BPIFB2: variants seen among roughly 807,000 people sequenced by gnomAD.
The protein encoded by BPIFB2 is BPI fold containing family B member 2.
BPIFB2 carries 39 observed loss-of-function variants against 50.1 expected under a neutral mutation model. The observed-to-expected ratio is 0.78, with a 90% CI of 0.60 to 1.02. The LOEUF (loss-of-function observed/expected upper bound fraction) is 1.02. Ranked by LOEUF, BPIFB2 falls within the 50% of genes least tolerant of loss-of-function variation. BPIFB2 has a pLI of 0.00. For missense variants in BPIFB2, 574 were observed against 585.8 expected, an observed-to-expected ratio of 0.98 and a Z score of 0.21; for synonymous variants, 280 against 256.3, an observed-to-expected ratio of 1.09 and a Z score of -0.88.
chr20:33,018,855 G>A (rs1291573753), intron 9 of BPIFB2, 33 bp downstream of exon 9: 2 of 1,593,538 alleles, frequency 1.3e-6, no homozygotes, highest in Admixed American at 1.7e-5. Flanking sequence ...AGGGCCTGTG[G>A]GGCAAGAGCT....
At chr20:33,013,477 C>A (rs1375570779) in intron 4 of BPIFB2, among the ~76,000 whole-genome samples, 1 of 152,150 alleles carries the variant, frequency 6.6e-6, no homozygotes, top group Non-Finnish European at 1.5e-5. Context: ...TCAGCACAGC[C>A]CTGCGAAATA....
At chr20:33,008,418 G>C in intron 1 of BPIFB2, 123 bp from the exon 2 acceptor site, 2 of 572,096 alleles carry the variant, frequency 3.5e-6, no homozygotes, top group Non-Finnish European at 6.1e-6. Flanking sequence ...ACTGATGTCT[G>C]TGGGCCTGGG....
chr20:33,015,641 C>A, intron 6 of BPIFB2, 145 bp downstream of exon 6: 1 of 743,640 alleles, frequency 1.3e-6, no homozygotes, highest in Admixed American at 3.1e-5. Context: ...CCCATGAAGG[C>A]AGGGAAAAGG....
Position 33,018,815 on chromosome 20 carries a change from G to C in BPIFB2, c.848G>C (p.Gly283Ala), listed in dbSNP as rs1263685272. Residue 283 changes from glycine to alanine, a missense_variant, in exon 9 of 16, where the codon GGG becomes GCG. Transcript: ENST00000170150. ...KAGALNLDITGQLRSDDNLLN... is the reference protein window; with the variant it reads ...KAGALNLDITAQLRSDDNLLN... ...GGTGCCCTCAACCTGGACATCACAG[G>C]GCAGCTGGTGAGGGCCCGACCTGCA... 1 of 1,611,508 alleles carries C rather than the reference G, an allele frequency of 6.2e-7. No homozygotes were observed. Among genetic ancestry groups the C allele is most frequent in the East Asian group, 2.2e-5 (1 of 44,860 alleles).
chr20:33,010,908 C>A, intron 2 of BPIFB2, 116 bp from the exon 3 acceptor site: 2 of 877,322 alleles, frequency 2.3e-6, no homozygotes, highest in Non-Finnish European at 3.7e-6. Flanking sequence ...AGTAAGCCTA[C>A]CCCTTCCAGT....
chr20:33,020,319 T>G lies in BPIFB2; in HGVS notation c.1081-9T>G, dbSNP rs759642361. ...GTGCCCTCTGACCCTGCTCTCCCCA[T>G]GTGCCCAGGTAGTGAACTTGAGACT... On this transcript the variant is annotated splice_polypyrimidine_tract_variant and intron_variant, in intron 11 of 15. Coordinates refer to ENST00000170150, the MANE Select transcript of BPIFB2 (RefSeq NM_025227.3). 2 of 1,613,836 alleles carry G rather than the reference T, an allele frequency of 1.2e-6. No homozygotes were observed. Among genetic ancestry groups the G allele is most frequent in the Non-Finnish European group, 1.7e-6 (2 of 1,179,758 alleles).
Position 33,008,666 on chromosome 20 carries a change from A to C in BPIFB2, c.92A>C (p.Lys31Thr). 1 of 1,604,010 alleles carries C rather than the reference A, an allele frequency of 6.2e-7. No homozygotes were observed. The highest frequency in any genetic ancestry group is 8.5e-7 in the Non-Finnish European group (1 of 1,174,942). ...STPGTVVRLN[K>T]AALSYVSEIG... Reference sequence around the variant, plus strand: ...CCAGGCACCGTGGTCCGACTCAACAAGGCAGCATTGAGCTACGGTAAGCGG... The same window carrying C: ...CCAGGCACCGTGGTCCGACTCAACACGGCAGCATTGAGCTACGGTAAGCGG... The change falls in exon 2 of 16, where the codon AAG becomes ACG. Residue 31 changes from lysine to threonine, a missense_variant. Lys to Thr is a moderately conservative substitution (Grantham distance 78). Coordinates refer to ENST00000170150, the MANE Select transcript of BPIFB2 (RefSeq NM_025227.3).
chr20:33,020,702 T>C (rs548623815), intron 13 of BPIFB2, 115 bp downstream of exon 13: 5 of 1,242,014 alleles, frequency 4.0e-6, no homozygotes, highest in Non-Finnish European at 5.5e-6. Flanking sequence ...TGTGCCACTA[T>C]AGTCAGGCTT....
intron 10 of BPIFB2, 113 bp from the exon 11 acceptor site, chr20:33,019,467 G>C (rs1415895022): frequency 4.0e-6 from 5 of 1,240,140 alleles, no homozygotes; most frequent in Non-Finnish European, 4.3e-6. Flanking sequence ...ACCCACCTCT[G>C]TGCCCAGTCA....
chr20:33,021,906 A>T (rs1252541732), intron 15 of BPIFB2, 107 bp downstream of exon 15: 1 of 1,107,384 alleles, frequency 9.0e-7, no homozygotes, highest in Non-Finnish European at 1.4e-6. Flanking sequence ...AAACCATGCC[A>T]TGAATCCTTA....
chr20:33,018,645 C>T lies in BPIFB2; in HGVS notation c.678C>T (p.Leu226=), dbSNP rs1236818910. The T allele has an allele frequency of 5.6e-6, 9 of 1,612,104 alleles. No individual in the cohort carries two copies. The highest frequency in any genetic ancestry group is 1.7e-4 in the Middle Eastern group (1 of 6,046). ...DYISLEVNAV[L]FLLGKPIILP... ...CCCTCCCACCCCTACAGGCTGTTCT[C>T]TTCCTGCTGGGCAAGCCCATCATCC... is the stretch of plus-strand genomic sequence containing the variant. Residue 226 remains leucine, a synonymous_variant, in exon 9 of 16, where the codon CTC becomes CTT. Transcript: ENST00000170150.
intron 15 of BPIFB2, 111 bp from the exon 16 acceptor site, chr20:33,023,231 C>T: frequency 8.7e-7 from 1 of 1,144,602 alleles, no homozygotes; most frequent in Non-Finnish European, 1.3e-6. Flanking sequence ...GGACTCTCCT[C>T]ACAACCCACA....
chr20:33,013,704 C>T, intron 4 of BPIFB2, 106 bp from the exon 5 acceptor site: 1 of 1,475,112 alleles, frequency 6.8e-7, no homozygotes, highest in Non-Finnish European at 9.1e-7. Flanking sequence ...CCTGCCTGGG[C>T]CAAGTGGAGG....
chr20:33,021,588 C>G (rs537080658), intron 14 of BPIFB2, 135 bp from the exon 15 acceptor site: 841 of 977,020 alleles, frequency 8.6e-4, no homozygotes, highest in Non-Finnish European at 1.2e-3. Context: ...CCCAGCTTCC[C>G]CTTCTGTAAA....
intron 15 of BPIFB2, among the ~76,000 whole-genome samples, chr20:33,022,180 T>G (rs1010606208): frequency 2.0e-5 from 3 of 152,184 alleles, no homozygotes; most frequent in African/African-American, 4.8e-5. Context: ...TTGCTTTCCC[T>G]GGACCTGAAA....
Position 33,013,960 on chromosome 20 carries a change from G to A in BPIFB2, c.455+4G>A. 1 of 1,612,538 alleles carries A rather than the reference G, an allele frequency of 6.2e-7. No individual in the cohort carries two copies. The highest frequency in any genetic ancestry group is 8.5e-7 in the Non-Finnish European group (1 of 1,178,804). Reference sequence around the variant, plus strand: ...ACGAGTTTGATGGCAGTAACAGGTGGGTGCCTGGTGAGGGCAGGGTCACAG... The same window carrying A: ...ACGAGTTTGATGGCAGTAACAGGTGAGTGCCTGGTGAGGGCAGGGTCACAG... On this transcript the variant is annotated splice_donor_region_variant and intron_variant, in intron 5 of 15. Coordinates refer to ENST00000170150, the MANE Select transcript of BPIFB2 (RefSeq NM_025227.3).
chr20:33,018,949 G>A, intron 9 of BPIFB2, 113 bp from the exon 10 acceptor site: 4 of 1,575,406 alleles, frequency 2.5e-6, no homozygotes, highest in Non-Finnish European at 3.5e-6. Context: ...CAGGGTGGCT[G>A]TTGGAAGGGT....
At chr20:33,010,364 C>T (rs17123991) in intron 2 of BPIFB2, among the ~76,000 whole-genome samples, 2,717 of 152,312 alleles carry the variant, frequency 0.018, 183 homozygotes, top group Admixed American at 0.12. Context: ...ACAACATAAA[C>T]GATTGCCGCT....
chr20:33,016,876 G>A (rs1049080074), intron 6 of BPIFB2, among the ~76,000 whole-genome samples, 166 bp from the exon 7 acceptor site: 8 of 152,256 alleles, frequency 5.3e-5, no homozygotes, highest in African/African-American at 1.9e-4. Flanking sequence ...TCGGTGCCTG[G>A]AAGGGGTCCC....
Sources: allele counts gnomAD v4.1 joint callset (sites outside exome capture counted in the v4.1 genomes callset), GRCh38; gene constraint gnomAD v4.1.1; transcripts MANE v1.5; gene names NCBI Gene and HGNC (gene_info 2026-07-23, HGNC 2026-07-21).